Variants in CALN1 observed in about 807,000 individuals in gnomAD.
CALN1 encodes calcium-binding protein 8.
CALN1 carries 17 observed loss-of-function variants against 30.6 expected under a neutral mutation model. The ratio of observed to expected loss-of-function variants is 0.56; its 90% CI spans 0.38 to 0.83. The LOEUF (loss-of-function observed/expected upper bound fraction) is 0.83. CALN1 is among the 40% of genes least tolerant of loss of function. The probability of loss-of-function intolerance (pLI) is 0.00; values close to 1 mark genes in which losing one functional copy is unlikely to be tolerated. For missense variants in CALN1, 291 were observed against 354.9 expected, an observed-to-expected ratio of 0.82 and a Z score of 1.45; for synonymous variants, 156 against 131.4, an observed-to-expected ratio of 1.19 and a Z score of -1.28.
At chr7:72,270,749 T>C (rs1235154320) in intron 3 of CALN1, among the ~76,000 whole-genome samples, 1 of 152,218 alleles carries the variant, frequency 6.6e-6, no homozygotes, top group East Asian at 1.9e-4. Flanking sequence ...CACTCCAGCC[T>C]GGGCAACAGA....
At chr7:72,437,268 G>A (rs1224090596) in intron 1 of CALN1, among the ~76,000 whole-genome samples, 2 of 152,114 alleles carry the variant, frequency 1.3e-5, no homozygotes, top group Non-Finnish European at 2.9e-5. Flanking sequence ...ATGGGCCTCA[G>A]TTTTTTCATT....
intron 5 of CALN1, among the ~76,000 whole-genome samples, chr7:71,842,995 AG>A (rs1246649548): frequency 6.6e-6 from 1 of 152,188 alleles, no homozygotes; most frequent in Admixed American, 6.5e-5. Flanking sequence ...CCAGCATTCC[AG>A]GGTAGTGAGA....
intron 3 of CALN1, among the ~76,000 whole-genome samples, chr7:72,275,807 G>GCAAGT (rs1797296697): frequency 1.3e-5 from 2 of 152,164 alleles, no homozygotes; most frequent in Non-Finnish European, 2.9e-5. Context: ...GATTAAAATA[G>GCAAGT]CAAGTTTATA....
chr7:72,360,658 A>G (rs1368574500), intron 2 of CALN1, among the ~76,000 whole-genome samples: 6 of 147,514 alleles, frequency 4.1e-5, no homozygotes, highest in African/African-American at 1.2e-4. Context: ...CAACGTGCAG[A>G]TTTGTTACAT....
rs201168824 is a variant in CALN1, at chr7:72,248,819, AG to A, written c.244+29866del. Among the ~76,000 whole-genome samples the A allele has an allele frequency of 8.1e-3, 1,053 of 130,314 alleles. 7 individuals are homozygous for A. Among genetic ancestry groups the A allele is most frequent in the Middle Eastern group, 0.014 (3 of 208 alleles). The allele number at this position is 130,314 out of a possible 152,430, so 85.5% of individuals were successfully genotyped here. A position where few individuals can be genotyped will look rare whatever the true frequency, so the allele number is the denominator to read the frequency against. ...CACAACATCTATTAAATTTCGATCTAGATTTTTTTTTTCAAAAATATAATCT... is the reference window on the plus strand; with the variant it reads ...CACAACATCTATTAAATTTCGATCTAATTTTTTTTTTCAAAAATATAATCT... On this transcript the variant is annotated intron_variant, in intron 3 of 6. Transcript: ENST00000395275.
At chr7:72,156,874 T>G (rs1787721188) in intron 3 of CALN1, among the ~76,000 whole-genome samples, 1 of 152,266 alleles carries the variant, frequency 6.6e-6, no homozygotes, top group South Asian at 2.1e-4. Flanking sequence ...AGGCAGAGAC[T>G]TCAAATCACA....
At chr7:71,832,061 T>TG (rs1349143214) in intron 5 of CALN1, among the ~76,000 whole-genome samples, 1 of 152,108 alleles carries the variant, frequency 6.6e-6, no homozygotes, top group Non-Finnish European at 1.5e-5. Flanking sequence ...CTGCTCCAGG[T>TG]GGGAGGCTGA....
rs1796905668 is a variant in CALN1 at position 71,955,335 on chromosome 7, G to T, written c.501+68322C>A. On this transcript the variant is annotated intron_variant, in intron 5 of 6. Transcript: ENST00000395275. ...AATTATGGGAGCTACAATTCAAGAT[G>T]AGATTTGGGTGGAGACACAGCCAAA... Among the ~76,000 whole-genome samples, 6 of 152,148 alleles carry T rather than the reference G, an allele frequency of 3.9e-5. 1 individual carries two copies. The highest frequency in any genetic ancestry group is 3.9e-4 in the Admixed American group (6 of 15,266).
Position 72,117,867 on chromosome 7 carries a change from A to G in CALN1, c.245-11573T>C, listed in dbSNP as rs540680313. ...CAGATACTCAGGAGGCTGAGGCAGG[A>G]GAATTGCTTGAACCCAGGAGGTGGA... On this transcript the variant is annotated intron_variant, in intron 3 of 6. Transcript: ENST00000395275. Among the ~76,000 whole-genome samples, 8 of 151,696 alleles carry G rather than the reference A, an allele frequency of 5.3e-5. No homozygotes were observed. The East Asian group carries it at 1.4e-3, about 26-fold the overall frequency.
At position 71,785,632 on chromosome 7, in the gene CALN1, A is replaced by C. The variant is rs1792948256; in HGVS notation, c.*2143T>G. On this transcript the variant is annotated 3_prime_UTR_variant, in exon 7 of 7. Transcript: ENST00000395275. Reference sequence around the variant, plus strand: ...GTTCGGGGGTCAGGGAAAAACAGGAAAGTATATCCCTTCAAGATCTGCTAT... The same window carrying C: ...GTTCGGGGGTCAGGGAAAAACAGGACAGTATATCCCTTCAAGATCTGCTAT... 1 of 152,172 alleles carries C rather than the reference A, an allele frequency of 6.6e-6. No individual in the cohort carries two copies. The highest frequency in any genetic ancestry group is 1.5e-5 in the Non-Finnish European group (1 of 68,058). 9.4% of individuals were successfully genotyped at this position (152,172 alleles called of 1,614,324 possible).
At position 71,781,924 on chromosome 7, in the gene CALN1, T is replaced by C. The variant is rs180679859; in HGVS notation, c.*5851A>G. ...CTCATTCTTTGTGATATATTTCCAG[T>C]CAACGGAATAAAATTAATTTTGCCT... On this transcript the variant is annotated 3_prime_UTR_variant, in exon 7 of 7. Coordinates refer to ENST00000395275, the MANE Select transcript of CALN1 (RefSeq NM_031468.4). 2 of 152,260 alleles carry C rather than the reference T, an allele frequency of 1.3e-5. No individual in the cohort carries two copies. Among genetic ancestry groups the C allele is most frequent in the East Asian group, 1.9e-4 (1 of 5,176 alleles). 9.4% of individuals were successfully genotyped at this position (152,260 alleles called of 1,614,324 possible). A position where few individuals can be genotyped will look rare whatever the true frequency, so the allele number is the denominator to read the frequency against.
intron 5 of CALN1, among the ~76,000 whole-genome samples, chr7:71,961,340 T>C (rs1797237876): frequency 2.0e-5 from 3 of 152,198 alleles, no homozygotes; most frequent in Non-Finnish European, 2.9e-5. Context: ...ATTTACATCC[T>C]AATAGAAATT....
At chr7:72,290,406 GC>G (rs1422424920) in intron 2 of CALN1, among the ~76,000 whole-genome samples, 3 of 152,130 alleles carry the variant, frequency 2.0e-5, no homozygotes, top group African/African-American at 7.2e-5. Flanking sequence ...TTCTCTAAAT[GC>G]TGGGAAGTCA....
chr7:71,790,087 G>A (rs1045661061), intron 6 of CALN1, among the ~76,000 whole-genome samples: 3 of 151,224 alleles, frequency 2.0e-5, no homozygotes, highest in African/African-American at 7.3e-5. Context: ...CTGAGCCACA[G>A]AGGAGTGAGA....
At position 72,256,023 on chromosome 7, in the gene CALN1, CT is replaced by C. The variant is rs545998595; in HGVS notation, c.244+22662del. 7.2e-5 allele frequency among the ~76,000 whole-genome samples: 11 copies of C among 152,360 alleles called. No homozygotes were observed. The South Asian group carries it at 1.9e-3, about 26-fold the overall frequency. On this transcript the variant is annotated intron_variant, in intron 3 of 6. Transcript: ENST00000395275. ...GATTACAGGCGTGAGCCACCGCGCCCTGCCTAAATAAATATTCTTTAAGGAG... is the reference window on the plus strand; with the variant it reads ...GATTACAGGCGTGAGCCACCGCGCCCGCCTAAATAAATATTCTTTAAGGAG...
At chr7:72,048,291 G>C (rs1484335056) in intron 4 of CALN1, among the ~76,000 whole-genome samples, 1 of 152,014 alleles carries the variant, frequency 6.6e-6, no homozygotes, top group East Asian at 1.9e-4. Flanking sequence ...CACCCGCCTC[G>C]GCCTCCAAAA....
intron 5 of CALN1, among the ~76,000 whole-genome samples, chr7:71,848,319 C>T (rs10280282): frequency 1.1e-3 from 166 of 152,212 alleles, no homozygotes; most frequent in African/African-American, 3.9e-3. Context: ...TGCTCACACC[C>T]GTATTTATAC....
At chr7:71,801,976 C>CA (rs769583866) in intron 6 of CALN1, among the ~76,000 whole-genome samples, 1,725 of 132,176 alleles carry the variant, frequency 0.013, 12 homozygotes, top group Non-Finnish European at 0.016. Context: ...AGACTGTGTC[C>CA]AAAAAAAAAA....
At chr7:71,815,023 C>T (rs1253344075) in intron 5 of CALN1, among the ~76,000 whole-genome samples, 8 of 151,890 alleles carry the variant, frequency 5.3e-5, no homozygotes, top group South Asian at 4.2e-4. Flanking sequence ...TTAGTAGAGA[C>T]GGAGTTTCAC....
Sources: gnomAD v4.1 joint callset for allele counts (sites outside exome capture counted in the v4.1 genomes callset) on GRCh38, gnomAD v4.1.1 for gene constraint, MANE v1.5 for transcripts, NCBI Gene and HGNC (gene_info 2026-07-23, HGNC 2026-07-21) for gene names.